AMT: variants seen among roughly 807,000 people sequenced by gnomAD.
The protein encoded by AMT is aminomethyltransferase.
Under a neutral mutation model 39.5 loss-of-function variants are expected in AMT, and 24 were observed. The ratio of observed to expected loss-of-function variants is 0.61; its 90% CI spans 0.44 to 0.86. The LOEUF is 0.86. Among genes scored for constraint, AMT ranks in the 40% least tolerant of loss-of-function variants. The pLI is 0.00. For missense variants in AMT, 501 were observed against 537.0 expected (o/e 0.93, Z 0.66); for synonymous variants, 210 against 212.1 (o/e 0.99, Z 0.09).
rs184498788 is a variant in AMT at position 49,418,476 on chromosome 3, C to T, written c.877+495G>A. 7.3e-3 allele frequency: 1,302 copies of T among 178,126 alleles called. 9 individuals carry two copies. The highest frequency in any genetic ancestry group is 0.022 in the Middle Eastern group (8 of 366). The allele number at this position is 178,126 out of a possible 1,614,324, so 11.0% of individuals were successfully genotyped here. Reference sequence around the variant, plus strand: ...GATTACAGGTGTGAGCCACCATGCCCGGCAGCATCTTCAGTTTCTTTTTTT... The same window carrying T: ...GATTACAGGTGTGAGCCACCATGCCTGGCAGCATCTTCAGTTTCTTTTTTT... On this transcript the variant is annotated intron_variant, in intron 7 of 8. Coordinates refer to ENST00000273588, the MANE Select transcript of AMT (RefSeq NM_000481.4).
intron 7 of AMT, chr3:49,418,494 CTTTTTTTTTTTTTTT>C (rs3049036): frequency 1.6e-5 from 1 of 64,260 alleles, no homozygotes; most frequent in African/African-American, 6.7e-5. Context: ...TCTTCAGTTT[CTTTTTTTTTTTTTTT>C]TTTTTTTTTG....
At chr3:49,419,839 C>T (rs2049068855) in intron 4 of AMT, 51 bp from the exon 5 acceptor site, 8 of 1,555,894 alleles carry the variant, frequency 5.1e-6, no homozygotes, top group Non-Finnish European at 7.1e-6. Context: ...GAGCAGCTAC[C>T]ATGGGCTGGA....
Position 49,417,417 on chromosome 3 carries a change from C to T in AMT, c.*123G>A, listed in dbSNP as rs2049016651. Reference sequence around the variant, plus strand: ...GGGAATAGGTGGTGTGGCCCCTCAACCAGACAATTAGAATCAGCCTCCACC... The same window carrying T: ...GGGAATAGGTGGTGTGGCCCCTCAATCAGACAATTAGAATCAGCCTCCACC... On this transcript the variant is annotated 3_prime_UTR_variant, in exon 9 of 9. Transcript: ENST00000273588. 1 of 1,611,366 alleles carries T rather than the reference C, an allele frequency of 6.2e-7. No individual in the cohort carries two copies. The highest frequency in any genetic ancestry group is 1.3e-5 in the African/African-American group (1 of 75,038).
rs797045082 is a variant in AMT at position 49,418,978 on chromosome 3, C to T, written c.870G>A (p.Trp290Ter). 6.2e-7 allele frequency: 1 copy of T among 1,613,962 alleles called. No individual in the cohort carries two copies. The highest frequency in any genetic ancestry group is 8.5e-7 in the Non-Finnish European group (1 of 1,180,018). Residue 290 changes from tryptophan to a stop codon, truncating the protein, a stop_gained, in exon 7 of 9, where the codon TGG becomes TGA. Transcript: ENST00000273588. LOFTEE classifies it high-confidence loss of function. Reference sequence around the variant, plus strand: ...AGTGCTGGCCCAGCTCACCCAGTGTCCAACTGAGGCTGCCCTCCACAGGTG... The same window carrying T: ...AGTGCTGGCCCAGCTCACCCAGTGTTCAACTGAGGCTGCCCTCCACAGGTG... Reference protein sequence around the residue: ...HTTPVEGSLSWTLGKRRRAAM... With the variant: ...HTTPVEGSLS
chr3:49,421,299 A>G (rs2049098001), intron 3 of AMT, 193 bp downstream of exon 3: 2 of 627,088 alleles, frequency 3.2e-6, no homozygotes, highest in Non-Finnish European at 5.7e-6. Context: ...AGCCTGATGT[A>G]GTAAGACTGG....
rs34568346 is a variant in AMT, at chr3:49,419,902, GA to G, written c.472-115del. The G allele has an allele frequency of 3.8e-4, 384 of 1,014,766 alleles. No individual in the cohort carries two copies. The East Asian group carries it at 4.7e-3, about 13-fold the overall frequency. 62.9% of individuals were successfully genotyped at this position (1,014,766 alleles called of 1,614,324 possible). On this transcript the variant is annotated intron_variant, in intron 4 of 8. Coordinates refer to ENST00000273588, the MANE Select transcript of AMT (RefSeq NM_000481.4). ...AGTGGAGAGGAGGAGGAGGAGGGAG[GA>G]AAAAAAAAGGTAGTAGGCTGGTTCC...
At position 49,417,843 on chromosome 3, in the gene AMT, G is replaced by A. The variant is rs370016900; in HGVS notation, c.1008C>T (p.Ile336=). Residue 336 remains isoleucine, a synonymous_variant, in exon 8 of 9, where the codon ATC becomes ATT. Transcript: ENST00000273588. ...CAATCTTGGTACCCTCCATGTTCAG[G>A]ATGGGACTGTGTGCCCGCATGGGGG... ...EGAPMRAHSP[I]LNMEGTKIGT... is the part of the protein sequence containing the mutation. 4.3e-6 allele frequency: 7 copies of A among 1,614,086 alleles called. No individual in the cohort carries two copies. Among genetic ancestry groups the A allele is most frequent in the Non-Finnish European group, 4.2e-6 (5 of 1,180,022 alleles).
intron 3 of AMT, 140 bp from the exon 4 acceptor site, chr3:49,420,482 G>A (rs1370618289): frequency 7.7e-7 from 1 of 1,303,542 alleles, no homozygotes; most frequent in African/African-American, 1.5e-5. Flanking sequence ...CAAGGTACAA[G>A]TCTGGGCCCA....
At chr3:49,419,526 A>G (rs1011549926) in intron 5 of AMT, 121 bp from the exon 6 acceptor site, 1 of 1,519,122 alleles carries the variant, frequency 6.6e-7, no homozygotes, top group African/African-American at 1.4e-5. Context: ...GTGGGAGAAG[A>G]TGCCCTTGTC....
intron 8 of AMT, 21 bp from the exon 9 acceptor site, chr3:49,417,739 A>G: frequency 6.2e-7 from 1 of 1,613,972 alleles, no homozygotes; most frequent in Non-Finnish European, 8.5e-7. Flanking sequence ...AGCATAAGCC[A>G]CGCATCAGCA....
In AMT at chr3:49,419,385, G is replaced by C. The variant is rs770700817; in HGVS notation, c.571C>G (p.Leu191Val). Residue 191 changes from leucine (L) to valine (V), a missense_variant, in exon 6 of 9, where the codon CTA (leucine) becomes GTA (valine). Coordinates refer to ENST00000273588, the MANE Select transcript of AMT (RefSeq NM_000481.4). Reference sequence around the variant, plus strand: ...AGGTCATCTGCCACGCCGGCCTGTAGTACCTGGGCTGCAGTGGGGCCTGGG... The same window carrying C: ...AGGTCATCTGCCACGCCGGCCTGTACTACCTGGGCTGCAGTGGGGCCTGGG... ...ALQGPTAAQVLQAGVADDLRK... is the reference protein window; with the variant it reads ...ALQGPTAAQVVQAGVADDLRK... The C allele has an allele frequency of 6.2e-7, 1 of 1,614,076 alleles. No individual in the cohort carries two copies. Among genetic ancestry groups the C allele is most frequent in the Non-Finnish European group, 8.5e-7 (1 of 1,179,992 alleles).
intron 3 of AMT, chr3:49,420,967 C>G (rs2049091480): frequency 4.7e-6 from 1 of 214,878 alleles, no homozygotes; most frequent in Admixed American, 5.2e-5. Context: ...GACTGAGTCT[C>G]ACTCTGTTGC....
chr3:49,419,859 G>T, intron 4 of AMT, 71 bp from the exon 5 acceptor site: 1 of 1,418,320 alleles, frequency 7.1e-7, no homozygotes, highest in South Asian at 1.1e-5. Context: ...ACGCTGCAGA[G>T]CTGGACAGTA....
Position 49,422,254 on chromosome 3 carries a change from T to G in AMT, c.108A>C (p.Thr36=), listed in dbSNP as rs1179441264. ...GGGCCAGGTGGAAGTCATAGAGCGG[T>G]GTCCTGCGGAGCACCTCCTGTGGGC... ...LSCAQEVLRR[T]PLYDFHLAHG... is the part of the protein sequence containing the mutation. Residue 36 remains threonine (T), a synonymous_variant, in exon 2 of 9, where the codon ACA becomes ACC. Coordinates refer to ENST00000273588, the MANE Select transcript of AMT (RefSeq NM_000481.4). 2 of 1,613,994 alleles carry G rather than the reference T, an allele frequency of 1.2e-6. No individual in the cohort carries two copies. Among genetic ancestry groups the G allele is most frequent in the Admixed American group, 3.3e-5 (2 of 60,014 alleles).
In AMT at chr3:49,417,860, G is replaced by C. The variant is rs541011963; in HGVS notation, c.991C>G (p.Arg331Gly). ...VGLMCEGAPM[R>G]AHSPILNMEG... ...ATGTTCAGGATGGGACTGTGTGCCC[G>C]CATGGGGGCCCCCTCACACATCAAC... Residue 331 changes from arginine to glycine, a missense_variant, in exon 8 of 9, where the codon CGG becomes GGG. Transcript: ENST00000273588. 2 of 1,613,976 alleles carry C rather than the reference G, an allele frequency of 1.2e-6. No individual in the cohort carries two copies. The highest frequency in any genetic ancestry group is 2.2e-5 in the South Asian group (2 of 91,080).
chr3:49,417,789 G>A (rs1195926684), intron 8 of AMT, 29 bp downstream of exon 8: 3 of 1,614,012 alleles, frequency 1.9e-6, no homozygotes, highest in African/African-American at 2.7e-5. Context: ...GAAGAGACAA[G>A]GGTTTCCCAG....
Position 49,419,078 on chromosome 3 carries a change from C to T in AMT, c.770G>A (p.Gly257Glu). The change falls in exon 7 of 9, where the codon GGG becomes GAG. Residue 257 changes from glycine (G) to glutamate (E), a missense_variant. Transcript: ENST00000273588. ...ILKNPEVKLAGLAARDSLRLE... is the reference protein window; with the variant it reads ...ILKNPEVKLAELAARDSLRLE... The stretch of plus-strand genomic sequence containing the variant: ...GCGCAGGCTGTCCCTGGCTGCCAGC[C>T]CTGCCAGCTTCACCTCTGGGTTTTT... The T allele has an allele frequency of 6.2e-7, 1 of 1,614,120 alleles. No homozygotes were observed. The highest frequency in any genetic ancestry group is 8.5e-7 in the Non-Finnish European group (1 of 1,180,030).
At chr3:49,419,237 C>T (rs1417764059) in intron 6 of AMT, 23 bp downstream of exon 6, 3 of 1,614,090 alleles carry the variant, frequency 1.9e-6, no homozygotes, top group Middle Eastern at 3.3e-4. Flanking sequence ...CCTGTACTGC[C>T]CCCACACCAC....
chr3:49,420,211 C>G lies in AMT; in HGVS notation c.471G>C (p.Gln157His). The G allele has an allele frequency of 6.2e-7, 1 of 1,614,148 alleles. No homozygotes were observed. The highest frequency in any genetic ancestry group is 8.5e-7 in the Non-Finnish European group (1 of 1,179,992). Residue 157 changes from glutamine to histidine, a missense_variant and splice_region_variant, in exon 4 of 9, where the codon CAG (glutamine) becomes CAC (histidine). Gln to His is a conservative substitution (Grantham distance 24). Transcript: ENST00000273588. ...GCWEKDLALM[Q>H]DKVRELQNQG... is the part of the protein sequence containing the mutation. ...TGTCTAGAACACAGAGGGGGTATAC[C>G]TGCATGAGGGCCAAATCTTTCTCCC...
Sources: gnomAD v4.1 joint callset for allele counts on GRCh38, gnomAD v4.1.1 for gene constraint, MANE v1.5 for transcripts, NCBI Gene and HGNC (gene_info 2026-07-23, HGNC 2026-07-21) for gene names.